IFI16: variants seen among roughly 807,000 people sequenced by gnomAD.
The protein encoded by IFI16 is gamma-interferon-inducible protein 16.
Under a neutral mutation model 68.4 loss-of-function variants are expected in IFI16, and 49 were observed. The observed-to-expected ratio is 0.72, with a 90% confidence interval of 0.57 to 0.91. IFI16 has a LOEUF of 0.91. Among genes scored for constraint, IFI16 ranks in the 40% least tolerant of loss-of-function variants. The pLI is 0.00. For missense variants in IFI16, 878 were observed against 942.9 expected, an observed-to-expected ratio of 0.93 and a Z score of 0.90; for synonymous variants, 307 against 315.0, an observed-to-expected ratio of 0.97 and a Z score of 0.27.
intron 7 of IFI16, among the ~76,000 whole-genome samples, chr1:159,040,719 G>T (rs1056928004): frequency 6.6e-6 from 1 of 152,104 alleles, no homozygotes; most frequent in East Asian, 1.9e-4. Context: ...ATTAACAATG[G>T]CAATAATTAT....
chr1:159,051,367 T>C lies in IFI16; in HGVS notation c.1666-312T>C, dbSNP rs1259407756. Among the ~76,000 whole-genome samples the C allele has an allele frequency of 2.0e-5, 3 of 152,350 alleles. No homozygotes were observed. In the South Asian group the frequency reaches 6.2e-4, roughly 32 times the overall value. Reference sequence around the variant, plus strand: ...AGTCACTTCATGGCAGCTTTGCCTTTACCCTCTGCTTCCCCATACCTCTTG... The same window carrying C: ...AGTCACTTCATGGCAGCTTTGCCTTCACCCTCTGCTTCCCCATACCTCTTG... On this transcript the variant is annotated intron_variant, in intron 9 of 11. Coordinates refer to ENST00000295809, the MANE Select transcript of IFI16 (RefSeq NM_001376587.1).
At chr1:159,003,765 A>G (rs139388434), upstream of IFI16, among the ~76,000 whole-genome samples, 1,479 of 152,216 alleles carry the variant, frequency 9.7e-3, 28 homozygotes, top group African/African-American at 0.033. Flanking sequence ...GGTTCACACC[A>G]TTCTCCTGCC....
intron 7 of IFI16, among the ~76,000 whole-genome samples, chr1:159,036,611 G>A (rs1331278859): frequency 1.3e-5 from 2 of 152,168 alleles, no homozygotes; most frequent in Non-Finnish European, 2.9e-5. Flanking sequence ...TTTAAAATTA[G>A]ACATTGTTTT....
chr1:159,016,681 C>A lies in IFI16; in HGVS notation c.530C>A (p.Pro177His), dbSNP rs760533382. The A allele has an allele frequency of 7.4e-6, 12 of 1,613,870 alleles. No homozygotes were observed. Among genetic ancestry groups the A allele is most frequent in the Non-Finnish European group, 1.0e-5 (12 of 1,179,912 alleles). ...CCCAAGACCTCATTGTCAGCTCCAC[C>A]CAACAGTTCTTCAACTGAGGTACAC... ...PSPKTSLSAP[P>H]NSSSTENPKT... Residue 177 changes from proline to histidine, a missense_variant, in exon 4 of 12, where the codon CCC becomes CAC. Physicochemically the swap from Pro to His is moderately conservative, Grantham distance 77. This residue lies in a region of IFI16 where 443 missense variants were observed against 421.8 expected (regional missense o/e 1.05). Transcript: ENST00000295809.
chr1:159,048,784 T>A (rs1655156783), intron 8 of IFI16, among the ~76,000 whole-genome samples: 1 of 151,660 alleles, frequency 6.6e-6, no homozygotes, highest in African/African-American at 2.4e-5. Context: ...ATTTTAGAGA[T>A]ATTCTCCAGT....
At chr1:159,020,283 T>A in intron 5 of IFI16, 58 bp from the exon 6 acceptor site, 1 of 1,277,746 alleles carries the variant, frequency 7.8e-7, no homozygotes, top group Non-Finnish European at 1.1e-6. Context: ...GACTTCAGCC[T>A]ATATGTGGTT....
chr1:159,006,151 G>GA (rs1652249484), upstream of IFI16: 1 of 152,224 alleles, frequency 6.6e-6, no homozygotes, highest in Non-Finnish European at 1.5e-5. Flanking sequence ...AGCGAGTTAA[G>GA]AAAATACCCC....
chr1:159,043,555 G>A (rs201507130), intron 7 of IFI16, among the ~76,000 whole-genome samples: 23 of 152,266 alleles, frequency 1.5e-4, no homozygotes, highest in Admixed American at 3.3e-4. Flanking sequence ...TCTGTGATTC[G>A]CAACGTAAGC....
chr1:159,049,966 A>G (rs184006619), intron 9 of IFI16, among the ~76,000 whole-genome samples: 1 of 152,322 alleles, frequency 6.6e-6, no homozygotes, highest in East Asian at 1.9e-4. Flanking sequence ...TATAACTCAA[A>G]CAATATGTTT....
intron 8 of IFI16, among the ~76,000 whole-genome samples, chr1:159,048,820 T>C (rs1341040227): frequency 6.6e-6 from 1 of 151,528 alleles, no homozygotes; most frequent in East Asian, 1.9e-4. Context: ...TATAAAAATA[T>C]AGCTAATGGG....
intron 4 of IFI16, among the ~76,000 whole-genome samples, chr1:159,017,222 C>A (rs1652989845): frequency 6.6e-6 from 1 of 152,178 alleles, no homozygotes; most frequent in Non-Finnish European, 1.5e-5. Flanking sequence ...CTGCTAGAGC[C>A]CTGACACTGA....
chr1:159,019,202 G>A (rs75985579), intron 5 of IFI16, among the ~76,000 whole-genome samples: 9,329 of 150,796 alleles, frequency 0.062, 410 homozygotes, highest in South Asian at 0.18. Context: ...TGGGAAATAC[G>A]AATTTGGATG....
Position 159,014,705 on chromosome 1 carries a change from G to C in IFI16, c.25G>C (p.Val9Leu). The change falls in exon 2 of 12, where the codon GTT (valine) becomes CTT (leucine). Residue 9 changes from valine (V) to leucine (L), a missense_variant. Physicochemically the swap from Val to Leu is conservative, Grantham distance 32 (BLOSUM62 1). Around this residue, in one of 4 missense-constraint regions of IFI16, gnomAD observed 65 missense variants for 96.9 expected, o/e 0.67. Transcript: ENST00000295809. MGKKYKNIVLLKGLEVIND... is the reference protein window; with the variant it reads MGKKYKNILLLKGLEVIND... ...GATGGGAAAAAAATACAAGAACATT[G>C]TTCTACTAAAAGGATTAGAGGTCAT... 6.2e-7 allele frequency: 1 copy of C among 1,601,696 alleles called. No homozygotes were observed. Among genetic ancestry groups the C allele is most frequent in the Non-Finnish European group, 8.5e-7 (1 of 1,173,840 alleles).
chr1:159,048,380 A>G (rs1326649862), intron 8 of IFI16, among the ~76,000 whole-genome samples: 1 of 151,546 alleles, frequency 6.6e-6, no homozygotes, highest in Non-Finnish European at 1.5e-5. Context: ...AATCTTCCTC[A>G]GGGTCACACA....
intron 7 of IFI16, among the ~76,000 whole-genome samples, chr1:159,044,748 A>T (rs989166423): frequency 3.3e-5 from 5 of 152,196 alleles, no homozygotes; most frequent in Non-Finnish European, 5.9e-5. Flanking sequence ...AAACTCTGAA[A>T]GATTCTGATT....
At chr1:159,009,449 A>T (rs1193310851), upstream of IFI16, among the ~76,000 whole-genome samples, 1 of 152,194 alleles carries the variant, frequency 6.6e-6, no homozygotes, top group African/African-American at 2.4e-5. Context: ...GTAGCAATAG[A>T]TGCTCCTACC....
At chr1:159,013,359 G>A (rs1055997867) in intron 1 of IFI16, among the ~76,000 whole-genome samples, 6 of 151,588 alleles carry the variant, frequency 4.0e-5, no homozygotes, top group Non-Finnish European at 7.4e-5. Flanking sequence ...TAGTGGAAAC[G>A]AGGTCTCACT....
intron 6 of IFI16, among the ~76,000 whole-genome samples, chr1:159,025,066 C>T (rs1161156730): frequency 1.3e-5 from 2 of 151,692 alleles, no homozygotes; most frequent in Non-Finnish European, 2.9e-5. Flanking sequence ...ACTGGAAATT[C>T]TAGGGGTGGT....
At chr1:159,046,411 T>C (rs576737755) in intron 8 of IFI16, among the ~76,000 whole-genome samples, 4 of 151,518 alleles carry the variant, frequency 2.6e-5, no homozygotes, top group Admixed American at 6.6e-5. Flanking sequence ...TTCCTGGTTT[T>C]GATTTGAAAA....
Sources: gnomAD v4.1 joint callset for allele counts (sites outside exome capture counted in the v4.1 genomes callset) on GRCh38, gnomAD v4.1.1 for gene constraint, gnomAD v4.1.1 regional missense constraint, MANE v1.5 for transcripts, NCBI Gene and HGNC (gene_info 2026-07-23, HGNC 2026-07-21) for gene names.